Variants in SPECC1 observed in about 807,000 individuals in gnomAD.
SPECC1 encodes sperm antigen with calponin homology and coiled-coil domains 1.
Under a neutral mutation model 104.1 loss-of-function variants are expected in SPECC1, and 62 were observed. The observed-to-expected ratio is 0.60, with a 90% CI of 0.49 to 0.74. The LOEUF is 0.74. Ranked by LOEUF, SPECC1 falls within the 30% of genes least tolerant of loss-of-function variation. The pLI is 0.00. For missense variants in SPECC1, 1,306 were observed against 1,310.5 expected (o/e 1.00, Z 0.05); for synonymous variants, 513 against 501.6 (o/e 1.02, Z -0.30).
chr17:20,178,658 A>G (rs1386378211), intron 3 of SPECC1, among the ~76,000 whole-genome samples: 1 of 152,230 alleles, frequency 6.6e-6, no homozygotes, highest in Non-Finnish European at 1.5e-5. Context: ...ATTTTCTGGA[A>G]GGAGTGTCTT....
chr17:20,113,784 A>G (rs1474062849), intron 3 of SPECC1, among the ~76,000 whole-genome samples: 1 of 152,224 alleles, frequency 6.6e-6, no homozygotes, highest in Non-Finnish European at 1.5e-5. Flanking sequence ...AGACCAAGCA[A>G]TTCTGTCTAT....
rs183972918 is a variant in SPECC1 at position 20,166,059 on chromosome 17, A to G, written c.284-38274A>G. 3.7e-3 allele frequency among the ~76,000 whole-genome samples: 560 copies of G among 152,352 alleles called. 6 individuals carry two copies. The highest frequency in any genetic ancestry group is 6.0e-3 in the Non-Finnish European group (407 of 68,030). On this transcript the variant is annotated intron_variant, in intron 3 of 14. Coordinates refer to ENST00000395527, the MANE Select transcript of SPECC1 (RefSeq NM_001243439.2). Reference sequence around the variant, plus strand: ...GTGGATATCTTTCTTGGCTTTGTCTATCTTACAAGATAATTCTACTGAAAC... The same window carrying G: ...GTGGATATCTTTCTTGGCTTTGTCTGTCTTACAAGATAATTCTACTGAAAC...
intron 3 of SPECC1, among the ~76,000 whole-genome samples, chr17:20,178,100 AG>A (rs1472042952): frequency 3.4e-4 from 51 of 152,022 alleles, no homozygotes; most frequent in African/African-American, 1.2e-3. Context: ...TGCTCACTGC[AG>A]CCTTGACTTC....
At chr17:20,065,098 C>T (rs2046314494) in intron 1 of SPECC1, among the ~76,000 whole-genome samples, 1 of 152,206 alleles carries the variant, frequency 6.6e-6, no homozygotes, top group African/African-American at 2.4e-5. Flanking sequence ...TCTAACCCAC[C>T]TGTTTTGGAA....
chr17:20,066,424 A>ATT (rs2046359594), intron 1 of SPECC1, among the ~76,000 whole-genome samples: 1 of 152,162 alleles, frequency 6.6e-6, no homozygotes, highest in Non-Finnish European at 1.5e-5. Context: ...CCACTTAGGA[A>ATT]CTTAGCCTGC....
chr17:20,011,065 T>C (rs1419812891), intron 1 of SPECC1, among the ~76,000 whole-genome samples: 1 of 152,254 alleles, frequency 6.6e-6, no homozygotes, highest in Non-Finnish European at 1.5e-5. Context: ...TAGCATCTTA[T>C]TTAGGGTTTT....
chr17:20,274,514 T>C (rs1308365689), intron 12 of SPECC1, among the ~76,000 whole-genome samples: 14 of 146,154 alleles, frequency 9.6e-5, no homozygotes, highest in African/African-American at 2.7e-4. Context: ...TTTCTTTTTT[T>C]TTTTTTTTTT....
chr17:20,187,231 G>A (rs975341171), intron 3 of SPECC1, among the ~76,000 whole-genome samples: 3 of 152,124 alleles, frequency 2.0e-5, no homozygotes, highest in Non-Finnish European at 2.9e-5. Flanking sequence ...CCAGGGAACT[G>A]ACTCGGCATT....
chr17:20,282,408 G>T (rs971574174), intron 12 of SPECC1, among the ~76,000 whole-genome samples: 2 of 152,172 alleles, frequency 1.3e-5, no homozygotes, highest in Non-Finnish European at 2.9e-5. Flanking sequence ...CAAACCCTCG[G>T]TGCTTTCAGT....
intron 9 of SPECC1, among the ~76,000 whole-genome samples, chr17:20,252,418 C>A (rs2039667134): frequency 6.6e-6 from 1 of 152,098 alleles, no homozygotes. Context: ...CTTGCCTCCC[C>A]CTCCTCTAGC....
intron 3 of SPECC1, among the ~76,000 whole-genome samples, chr17:20,160,427 C>A (rs2033032004): frequency 6.6e-6 from 1 of 152,058 alleles, no homozygotes; most frequent in South Asian, 2.1e-4. Context: ...GTTCCACTGG[C>A]CAGACTCAGT....
In SPECC1 at chr17:20,112,674, T is replaced by C; in HGVS notation, c.283+2112T>C. Reference sequence around the variant, plus strand: ...GGAGTCAAGACACTCTGTTCTAATGTAGAAGGAGCATCCCTGAAACTGTGT... The same window carrying C: ...GGAGTCAAGACACTCTGTTCTAATGCAGAAGGAGCATCCCTGAAACTGTGT... On this transcript the variant is annotated intron_variant, in intron 3 of 14. Coordinates refer to ENST00000395527, the MANE Select transcript of SPECC1 (RefSeq NM_001243439.2). 3 of 1,029,090 alleles carry C rather than the reference T, an allele frequency of 2.9e-6. 1 individual carries two copies. The highest frequency in any genetic ancestry group is 4.6e-6 in the Non-Finnish European group (3 of 647,246). The allele number at this position is 1,029,090 out of a possible 1,614,324, so 63.7% of individuals were successfully genotyped here.
At chr17:20,017,701 T>C (rs1301926343) in intron 1 of SPECC1, 2 of 152,254 alleles carry the variant, frequency 1.3e-5, no homozygotes, top group East Asian at 3.8e-4. Flanking sequence ...TTCTCCTTTT[T>C]TGCACAAATA....
At chr17:20,085,248 G>A (rs2047131977) in intron 1 of SPECC1, among the ~76,000 whole-genome samples, 1 of 152,218 alleles carries the variant, frequency 6.6e-6, no homozygotes. Context: ...AGGAGGTGGA[G>A]GTGGCTTCAT....
chr17:20,246,144 C>A, intron 8 of SPECC1, 73 bp downstream of exon 8: 1 of 1,555,504 alleles, frequency 6.4e-7, no homozygotes, highest in Non-Finnish European at 8.8e-7. Flanking sequence ...TGTCTACTAT[C>A]TCTACTCCAC....
intron 1 of SPECC1, among the ~76,000 whole-genome samples, chr17:20,077,459 T>G (rs7503407): frequency 0.29 from 43,776 of 149,648 alleles, 6,812 homozygotes; most frequent in Middle Eastern, 0.42. Context: ...CTTTTTTTTG[T>G]TTGTTTGTTT....
At chr17:20,218,892 A>G (rs2037682546) in intron 4 of SPECC1, among the ~76,000 whole-genome samples, 1 of 152,200 alleles carries the variant, frequency 6.6e-6, no homozygotes, top group South Asian at 2.1e-4. Flanking sequence ...CAAATGAGTG[A>G]GAATATATGA....
chr17:20,223,274 T>G (rs2038003466), intron 4 of SPECC1, among the ~76,000 whole-genome samples: 1 of 152,204 alleles, frequency 6.6e-6, no homozygotes, highest in African/African-American at 2.4e-5. Flanking sequence ...GTCTTCAAGC[T>G]CACTAATTTT....
intron 1 of SPECC1, among the ~76,000 whole-genome samples, chr17:20,054,322 C>T (rs2045881372): frequency 6.6e-6 from 1 of 152,216 alleles, no homozygotes; most frequent in Non-Finnish European, 1.5e-5. Flanking sequence ...TCCTGTCTCT[C>T]CTGCAGCAGG....
Sources: allele counts gnomAD v4.1 joint callset (sites outside exome capture counted in the v4.1 genomes callset), GRCh38; gene constraint gnomAD v4.1.1; transcripts MANE v1.5; gene names NCBI Gene and HGNC (gene_info 2026-07-23, HGNC 2026-07-21).